Variants in ATP2B2 observed in about 807,000 individuals in gnomAD.
ATP2B2 encodes the protein plasma membrane calcium-transporting ATPase 2.
Under a neutral mutation model 120.0 loss-of-function variants are expected in ATP2B2, and 15 were observed. That is an observed-to-expected ratio of 0.12 (90% CI 0.08 to 0.19). ATP2B2 has a LOEUF of 0.19. Among genes scored for constraint, ATP2B2 ranks in the 10% least tolerant of loss-of-function variants. The pLI, the probability that ATP2B2 is intolerant of heterozygous loss-of-function variation, is 1.00. For synonymous variants in ATP2B2, 694 were observed against 700.3 expected (o/e 0.99, Z 0.14); for missense variants, 1,045 against 1,719.8 (o/e 0.61, Z 6.94).
chr3:10,540,951 G>A (rs753794272), intron 2 of ATP2B2, among the ~76,000 whole-genome samples: 1 of 151,636 alleles, frequency 6.6e-6, no homozygotes, highest in Non-Finnish European at 1.5e-5. Flanking sequence ...AGTAATTATA[G>A]GGATATTAAA....
intron 2 of ATP2B2, among the ~76,000 whole-genome samples, chr3:10,446,141 G>A (rs993269991): frequency 6.6e-5 from 10 of 152,152 alleles, no homozygotes; most frequent in African/African-American, 2.2e-4. Context: ...AACAGCACCC[G>A]TTTCCAGGAA....
intron 14 of ATP2B2, among the ~76,000 whole-genome samples, chr3:10,357,538 T>G (rs943159888): frequency 9.2e-5 from 14 of 152,152 alleles, no homozygotes; most frequent in Admixed American, 1.3e-4. Flanking sequence ...AGAGGGAAAC[T>G]GAGGCTCAGA....
At chr3:10,531,164 CA>C (rs1230166509) in intron 3 of ATP2B2, among the ~76,000 whole-genome samples, 1 of 152,196 alleles carries the variant, frequency 6.6e-6, no homozygotes, top group Non-Finnish European at 1.5e-5. Flanking sequence ...CCAGAGAGAA[CA>C]GGTCAGCCCT....
intron 2 of ATP2B2, among the ~76,000 whole-genome samples, chr3:10,564,858 T>G (rs182071543): frequency 4.9e-4 from 74 of 152,336 alleles, no homozygotes; most frequent in African/African-American, 1.8e-3. Context: ...TTCTCTCAAA[T>G]GCACTCTCCT....
intron 16 of ATP2B2, among the ~76,000 whole-genome samples, chr3:10,349,087 T>A (rs2060505677): frequency 6.6e-6 from 1 of 152,196 alleles, no homozygotes; most frequent in African/African-American, 2.4e-5. Context: ...ATGAGGAAAC[T>A]GAGTCCCAGA....
chr3:10,559,651 C>G (rs991291459), intron 2 of ATP2B2, among the ~76,000 whole-genome samples: 3 of 152,126 alleles, frequency 2.0e-5, no homozygotes, highest in Non-Finnish European at 4.4e-5. Flanking sequence ...AGTTTGCCTC[C>G]AAGCCCCCCG....
intron 1 of ATP2B2, among the ~76,000 whole-genome samples, chr3:10,645,550 G>A (rs1233731000): frequency 6.6e-6 from 1 of 152,136 alleles, no homozygotes; most frequent in Non-Finnish European, 1.5e-5. Context: ...TAGAAACAAT[G>A]GTGCTTCTGG....
At chr3:10,570,232 T>A (rs2068093605) in intron 2 of ATP2B2, 1 of 152,276 alleles carries the variant, frequency 6.6e-6, no homozygotes. Context: ...CGTTCAGGTA[T>A]CTTCCAAGAG....
chr3:10,447,701 G>A (rs2063887374), intron 2 of ATP2B2, among the ~76,000 whole-genome samples: 1 of 152,184 alleles, frequency 6.6e-6, no homozygotes, highest in East Asian at 1.9e-4. Context: ...ATTCTGCCAG[G>A]GATAAGTGAG....
chr3:10,355,020 T>G (rs1411033773), intron 14 of ATP2B2, among the ~76,000 whole-genome samples: 1 of 152,158 alleles, frequency 6.6e-6, no homozygotes, highest in Non-Finnish European at 1.5e-5. Context: ...AATCTGGGGA[T>G]AGTGGTTACC....
At chr3:10,553,989 C>T (rs2067725663) in intron 2 of ATP2B2, among the ~76,000 whole-genome samples, 1 of 138,410 alleles carries the variant, frequency 7.2e-6, no homozygotes, top group Non-Finnish European at 1.5e-5. Context: ...GTACACAGAC[C>T]CACGTTTGTT....
At chr3:10,410,533 T>G in intron 3 of ATP2B2, 85 bp downstream of exon 3, 1 of 1,453,378 alleles carries the variant, frequency 6.9e-7, no homozygotes, top group Non-Finnish European at 9.3e-7. Flanking sequence ...AGGAGAGGAT[T>G]ATTTGTGTGA....
Position 10,342,426 on chromosome 3 carries a change from T to G in ATP2B2, c.2917+326A>C, listed in dbSNP as rs1205189005. Among the ~76,000 whole-genome samples, 1 of 152,144 alleles carries G rather than the reference T, an allele frequency of 6.6e-6. No homozygotes were observed. Among genetic ancestry groups the G allele is most frequent in the Non-Finnish European group, 1.5e-5 (1 of 68,016 alleles). ...TCAGAGAAGGGGTGAGTCACTCCCC[T>G]CCCAGCCTCAGGTGCCTCTGGGGCT... On this transcript the variant is annotated intron_variant, in intron 19 of 22. Transcript: ENST00000360273. This position sits in a 1 kb window ranked among gnomAD's most constrained non-coding sequence, Gnocchi z 4.4.
intron 1 of ATP2B2, among the ~76,000 whole-genome samples, chr3:10,671,792 G>C (rs952132010): frequency 2.6e-5 from 4 of 152,162 alleles, no homozygotes; most frequent in Non-Finnish European, 5.9e-5. Context: ...TGTGGGGTGA[G>C]GTGATGAACA....
intron 1 of ATP2B2, among the ~76,000 whole-genome samples, chr3:10,654,926 G>A (rs992497529): frequency 1.3e-5 from 2 of 152,318 alleles, no homozygotes; most frequent in African/African-American, 4.8e-5. Flanking sequence ...AGTGACTGGT[G>A]TGTGGCCTCC....
intron 2 of ATP2B2, among the ~76,000 whole-genome samples, chr3:10,600,675 C>T (rs1306703592): frequency 6.6e-6 from 1 of 152,214 alleles, no homozygotes; most frequent in Non-Finnish European, 1.5e-5. Context: ...CCCCTCCCTG[C>T]CCCTGGCCCG....
intron 21 of ATP2B2, chr3:10,338,577 A>G: frequency 1.9e-6 from 1 of 537,374 alleles, no homozygotes; most frequent in Non-Finnish European, 3.2e-6. Flanking sequence ...CTTGTTGCCC[A>G]GGCTGGAGTG....
At chr3:10,697,189 G>A (rs2071753916) in intron 1 of ATP2B2, among the ~76,000 whole-genome samples, 3 of 152,018 alleles carry the variant, frequency 2.0e-5, no homozygotes, top group African/African-American at 4.8e-5. Context: ...ACTGCACCAC[G>A]CCTTTCCTAG....
Position 10,422,282 on chromosome 3 carries a change from C to T in ATP2B2, c.200-11467G>A, listed in dbSNP as rs574449519. On this transcript the variant is annotated intron_variant, in intron 2 of 22. Coordinates refer to ENST00000360273, the MANE Select transcript of ATP2B2 (RefSeq NM_001001331.4). ...TAACAGACTTGGGGCAGAGAGACAA[C>T]GCCTCTGTGGGAAAACAGCTTGTGT... is the stretch of plus-strand genomic sequence containing the variant. Among the ~76,000 whole-genome samples the T allele has an allele frequency of 3.9e-5, 6 of 152,342 alleles. No individual in the cohort carries two copies. In the East Asian group the frequency reaches 7.7e-4, roughly 20 times the overall value.
Sources: gnomAD v4.1 joint callset for allele counts (sites outside exome capture counted in the v4.1 genomes callset) on GRCh38, gnomAD v4.1.1 for gene constraint, Gnocchi (gnomAD v3.1) non-coding constraint, MANE v1.5 for transcripts, NCBI Gene and HGNC (gene_info 2026-07-23, HGNC 2026-07-21) for gene names.